Variants in ETV1 observed in about 807,000 individuals in gnomAD.
ETV1 encodes ETS variant transcription factor 1.
In ETV1, 27 loss-of-function variants were observed where a neutral mutation model predicts 62.3. The ratio of observed to expected loss-of-function variants is 0.43; its 90% CI spans 0.32 to 0.60. The LOEUF (loss-of-function observed/expected upper bound fraction) is 0.60. Among genes scored for constraint, ETV1 ranks in the 20% least tolerant of loss-of-function variants. ETV1 has a pLI of 0.06. For missense variants in ETV1, 605 were observed against 605.8 expected (o/e 1.00, Z 0.01); for synonymous variants, 222 against 199.6 (o/e 1.11, Z -0.94).
At chr7:13,966,395 G>T (rs1200288472) in intron 6 of ETV1, among the ~76,000 whole-genome samples, 1 of 152,108 alleles carries the variant, frequency 6.6e-6, no homozygotes, top group Non-Finnish European at 1.5e-5. Context: ...CACAGTAGGG[G>T]GCCAAGGCGG....
In ETV1 at chr7:13,894,030, G is replaced by A. The variant is rs1412532333; in HGVS notation, c.*1836C>T. ...TTTCTTGATAACTGCTCCACTTAGA[G>A]AAATGAGCTGTGATCTGTGTAGTTT... On this transcript the variant is annotated 3_prime_UTR_variant, in exon 14 of 14. Coordinates refer to ENST00000430479, the MANE Select transcript of ETV1 (RefSeq NM_004956.5). The A allele has an allele frequency of 4.3e-6, 1 of 232,848 alleles. No individual in the cohort carries two copies. The allele number at this position is 232,848 out of a possible 1,614,324, so 14.4% of individuals were successfully genotyped here.
Position 13,895,836 on chromosome 7 carries a change from C to G in ETV1, c.*30G>C, listed in dbSNP as rs1355041303. On this transcript the variant is annotated 3_prime_UTR_variant, in exon 14 of 14. Transcript: ENST00000430479. ...TATCTTGCAGAAAAAAGGAAAAGCGCAAAAACGCCCTGCTTGACTGTCACT... is the reference window on the plus strand; with the variant it reads ...TATCTTGCAGAAAAAAGGAAAAGCGGAAAAACGCCCTGCTTGACTGTCACT... 1.3e-6 allele frequency: 2 copies of G among 1,546,546 alleles called. No homozygotes were observed. The highest frequency in any genetic ancestry group is 2.3e-5 in the East Asian group (1 of 44,070).
At chr7:13,988,504 A>T in intron 3 of ETV1, 2 of 715,010 alleles carry the variant, frequency 2.8e-6, no homozygotes, top group Non-Finnish European at 4.5e-6. Flanking sequence ...GTTCAATGCT[A>T]GATTAAAACA....
At chr7:13,953,626 G>A (rs1789073212) in intron 6 of ETV1, among the ~76,000 whole-genome samples, 1 of 151,218 alleles carries the variant, frequency 6.6e-6, no homozygotes, top group Admixed American at 6.6e-5. Context: ...CTTTGTCCTG[G>A]CTACTGAGTG....
rs1157380856 is a variant in ETV1, at chr7:13,906,446, A to G, written c.1094T>C (p.Leu365Pro). Reference protein sequence around the residue: ...AWTGRGMEFKLIEPEEVARRW... With the variant: ...AWTGRGMEFKPIEPEEVARRW... Reference sequence around the variant, plus strand: ...TAAACTAACCTCTTCAGGCTCAATCAGTTTAAATTCCATGCCTCGACCAGT... The same window carrying G: ...TAAACTAACCTCTTCAGGCTCAATCGGTTTAAATTCCATGCCTCGACCAGT... Residue 365 changes from leucine to proline, a missense_variant, in exon 12 of 14, where the codon CTG becomes CCG. This residue lies in a region of ETV1 where 100 missense variants were observed against 156.4 expected (regional missense o/e 0.64). Coordinates refer to ENST00000430479, the MANE Select transcript of ETV1 (RefSeq NM_004956.5). 6.2e-7 allele frequency: 1 copy of G among 1,600,618 alleles called. No individual in the cohort carries two copies. The highest frequency in any genetic ancestry group is 1.3e-5 in the African/African-American group (1 of 74,326).
At chr7:13,962,100 C>G (rs1464510457) in intron 6 of ETV1, among the ~76,000 whole-genome samples, 1 of 151,468 alleles carries the variant, frequency 6.6e-6, no homozygotes, top group Non-Finnish European at 1.5e-5. Context: ...TTTGTATATA[C>G]AGAATAAAAG....
intron 9 of ETV1, among the ~76,000 whole-genome samples, chr7:13,919,913 G>A (rs547020122): frequency 9.3e-4 from 141 of 151,812 alleles, no homozygotes; most frequent in African/African-American, 3.3e-3. Context: ...AGAGAGAGAA[G>A]AGAGATCCAA....
intron 11 of ETV1, chr7:13,907,905 T>A (rs778462261): frequency 2.2e-5 from 10 of 463,584 alleles, no homozygotes; most frequent in South Asian, 1.6e-4. Context: ...AAAATCATTA[T>A]GTTGTTTTGG....
At chr7:13,973,683 C>CCT (rs1781123817) in intron 6 of ETV1, among the ~76,000 whole-genome samples, 1 of 151,812 alleles carries the variant, frequency 6.6e-6, no homozygotes, top group Admixed American at 6.6e-5. Context: ...CTTATTTTTG[C>CCT]CTCTGTTTAT....
At chr7:13,970,155 G>A (rs921345662) in intron 6 of ETV1, among the ~76,000 whole-genome samples, 3 of 151,972 alleles carry the variant, frequency 2.0e-5, no homozygotes, top group Non-Finnish European at 4.4e-5. Context: ...CAGCTAGCCG[G>A]GAGGCCGAGG....
intron 6 of ETV1, among the ~76,000 whole-genome samples, chr7:13,967,423 C>G (rs1366306110): frequency 1.3e-5 from 2 of 152,118 alleles, no homozygotes; most frequent in Non-Finnish European, 2.9e-5. Context: ...CACAAAGGTA[C>G]TTTTCTGATC....
At chr7:13,898,874 C>T (rs1782111043) in intron 13 of ETV1, among the ~76,000 whole-genome samples, 1 of 152,140 alleles carries the variant, frequency 6.6e-6, no homozygotes, top group Admixed American at 6.5e-5. Flanking sequence ...TGATGCAAAC[C>T]TGTAGTTCCA....
intron 6 of ETV1, among the ~76,000 whole-genome samples, chr7:13,944,507 T>C (rs1583736795): frequency 6.6e-6 from 1 of 151,684 alleles, no homozygotes; most frequent in Non-Finnish European, 1.5e-5. Context: ...CACTTCCAAA[T>C]ACCATCACAC....
chr7:13,902,557 A>G (rs1231372596), intron 12 of ETV1, among the ~76,000 whole-genome samples: 2 of 152,100 alleles, frequency 1.3e-5, no homozygotes, highest in Admixed American at 1.3e-4. Context: ...AAATGAAAGC[A>G]TTTTCTAAAG....
intron 9 of ETV1, among the ~76,000 whole-genome samples, chr7:13,929,090 A>G (rs1160936750): frequency 6.6e-6 from 1 of 152,252 alleles, no homozygotes; most frequent in Non-Finnish European, 1.5e-5. Flanking sequence ...TGAATTTTAA[A>G]AACTACAACA....
chr7:13,957,981 G>C (rs1789689110), intron 6 of ETV1, among the ~76,000 whole-genome samples: 1 of 152,126 alleles, frequency 6.6e-6, no homozygotes, highest in Non-Finnish European at 1.5e-5. Context: ...GTAAAATGAA[G>C]GTGTGCATAG....
chr7:13,929,379 A>T lies in ETV1; in HGVS notation c.802+2123T>A, dbSNP rs189967569. Among the ~76,000 whole-genome samples the T allele has an allele frequency of 2.9e-3, 441 of 152,332 alleles. 5 individuals carry two copies. Among genetic ancestry groups the T allele is most frequent in the Non-Finnish European group, 5.5e-3 (372 of 68,040 alleles). On this transcript the variant is annotated intron_variant, in intron 9 of 13. Transcript: ENST00000430479. ...AATCGGCCAAGCAAACTGATAAATAAGGTGTCTTCTCATCTTTGCAACTGT... is the reference window on the plus strand; with the variant it reads ...AATCGGCCAAGCAAACTGATAAATATGGTGTCTTCTCATCTTTGCAACTGT...
chr7:13,983,619 G>A (rs541380268), intron 5 of ETV1, among the ~76,000 whole-genome samples: 10 of 102,518 alleles, frequency 9.8e-5, no homozygotes, highest in Non-Finnish European at 1.4e-4. Flanking sequence ...CATATTCCCT[G>A]ACTTTTTTTT....
At chr7:13,971,485 A>T (rs1288174303) in intron 6 of ETV1, among the ~76,000 whole-genome samples, 1 of 152,200 alleles carries the variant, frequency 6.6e-6, no homozygotes, top group African/African-American at 2.4e-5. Flanking sequence ...TACTTTTGTA[A>T]ATAGTGAAGA....
Sources: gnomAD v4.1 joint callset for allele counts (sites outside exome capture counted in the v4.1 genomes callset) on GRCh38, gnomAD v4.1.1 for gene constraint, gnomAD v4.1.1 regional missense constraint, MANE v1.5 for transcripts, NCBI Gene and HGNC (gene_info 2026-07-23, HGNC 2026-07-21) for gene names.